Variants in DNAAF6 observed in about 807,000 individuals in gnomAD.
DNAAF6 encodes PIH1 domain containing 3.
A neutral mutation model predicts 13.7 loss-of-function variants in DNAAF6; 3 were observed. The ratio of observed to expected loss-of-function variants is 0.22; its 90% CI spans 0.10 to 0.56. DNAAF6 has a LOEUF of 0.56. Among genes scored for constraint, DNAAF6 ranks in the 20% least tolerant of loss-of-function variants. The pLI, the probability that DNAAF6 is intolerant of heterozygous loss-of-function variation, is 0.92. For synonymous variants in DNAAF6, 54 were observed against 49.2 expected (o/e 1.10, Z -0.41); for missense variants, 130 against 151.0 (o/e 0.86, Z 0.73).
intron 5 of DNAAF6, 70 bp from the exon 6 acceptor site, chrX:107,238,852 A>G: frequency 8.5e-7 from 1 of 1,171,601 alleles, no homozygotes; most frequent in Non-Finnish European, 1.1e-6. Context: ...TTTTCCCCAT[A>G]TATTCTTATA....
intron 5 of DNAAF6, among the ~76,000 whole-genome samples, chrX:107,228,260 A>G (rs1238779277): frequency 8.9e-6 from 1 of 112,191 alleles, no homozygotes; most frequent in Non-Finnish European, 1.9e-5. Context: ...TCTTTGGAAG[A>G]GAGCAGCTTC....
Position 107,212,891 on chromosome X carries a change from A to G in DNAAF6, c.16A>G (p.Met6Val). The G allele has an allele frequency of 3.4e-6, 4 of 1,191,770 alleles. No individual in the cohort carries two copies. Among genetic ancestry groups the G allele is most frequent in the South Asian group, 1.9e-5 (1 of 52,882 alleles). Residue 6 changes from methionine to valine, a missense_variant, in exon 2 of 7, where the codon ATG (methionine) becomes GTG (valine). Coordinates refer to ENST00000372453, the MANE Select transcript of DNAAF6 (RefSeq NM_173494.2). MESENMDSENMKTENM... is the reference protein window; with the variant it reads MESENVDSENMKTENM... ...TCTTCAGATAATGGAATCTGAAAAT[A>G]TGGATTCTGAAAATATGAAGACAGA...
chrX:107,225,954 T>C (rs930662760), intron 5 of DNAAF6, among the ~76,000 whole-genome samples: 1 of 112,089 alleles, frequency 8.9e-6, no homozygotes, highest in Non-Finnish European at 1.9e-5. Flanking sequence ...GTTTGTTTTG[T>C]TTTGTTTCTA....
chrX:107,222,203 G>C (rs911108915), intron 4 of DNAAF6, among the ~76,000 whole-genome samples: 7 of 111,171 alleles, frequency 6.3e-5, no homozygotes, highest in Non-Finnish European at 1.3e-4. Flanking sequence ...AGATCATTCA[G>C]TTCAAACTCA....
At position 107,238,924 on chromosome X, in the gene DNAAF6, T is replaced by C; in HGVS notation, c.432T>C (p.Ala144=). 8.3e-7 allele frequency: 1 copy of C among 1,207,250 alleles called. No homozygotes were observed. Among genetic ancestry groups the C allele is most frequent in the Non-Finnish European group, 1.1e-6 (1 of 894,224 alleles). The change falls in exon 6 of 7, where the codon GCT becomes GCC. Residue 144 remains alanine, a splice_region_variant and synonymous_variant. Coordinates refer to ENST00000372453, the MANE Select transcript of DNAAF6 (RefSeq NM_173494.2). Reference sequence around the variant, plus strand: ...TTTCTTCTCATTTTCTCTTTCAGGCTAAAATTAAATTGCCAAATACAAACC... The same window carrying C: ...TTTCTTCTCATTTTCTCTTTCAGGCCAAAATTAAATTGCCAAATACAAACC... ...SSTGCCSELV[A]KIKLPNTNPS...
At chrX:107,239,120 G>A in intron 6 of DNAAF6, 113 bp downstream of exon 6, 3 of 1,006,014 alleles carry the variant, frequency 3.0e-6, no homozygotes, top group South Asian at 7.1e-5. Context: ...CTGAAGAAAA[G>A]TGGAAAATTT....
chrX:107,222,765 A>G lies in DNAAF6; in HGVS notation c.353A>G (p.Gln118Arg), dbSNP rs946126419. 8.3e-7 allele frequency: 1 copy of G among 1,205,507 alleles called. No homozygotes were observed. The highest frequency in any genetic ancestry group is 1.1e-6 in the Non-Finnish European group (1 of 892,808). ...TTCAGGTATGAGATTATATTCAGAC[A>G]GCAGGTGGGAACTGAAGATATATTT... is the stretch of plus-strand genomic sequence containing the variant. The part of the protein sequence containing the change: ...EIPEYEIIFR[Q>R]QVGTEDIFLG... The change falls in exon 5 of 7, where the codon CAG (glutamine) becomes CGG (arginine). Residue 118 changes from glutamine (Q) to arginine (R), a missense_variant. By Grantham distance (43) the Gln-to-Arg change is conservative (BLOSUM62 1). Coordinates refer to ENST00000372453, the MANE Select transcript of DNAAF6 (RefSeq NM_173494.2).
At chrX:107,229,094 G>A (rs758879908) in intron 5 of DNAAF6, among the ~76,000 whole-genome samples, 14 of 96,749 alleles carry the variant, frequency 1.4e-4, no homozygotes, top group African/African-American at 5.7e-4. Context: ...TGAGGGTGCT[G>A]CTACTCAGCA....
chrX:107,243,463 ACT>A lies in DNAAF6; in HGVS notation c.*168_*169del. On this transcript the variant is annotated 3_prime_UTR_variant, in exon 7 of 7. Coordinates refer to ENST00000372453, the MANE Select transcript of DNAAF6 (RefSeq NM_173494.2). ...GTGACCATTTACAGTAATTTCTATT[ACT>A]CTGTTAGGAAATATGTTTCCTTGGC... The A allele has an allele frequency of 4.4e-6, 3 of 676,820 alleles. No homozygotes were observed. The highest frequency in any genetic ancestry group is 6.1e-6 in the Non-Finnish European group (3 of 488,185). 55.8% of individuals were successfully genotyped at this position (676,820 alleles called of 1,213,427 possible). A position where few individuals can be genotyped will look rare whatever the true frequency, so the allele number is the denominator to read the frequency against.
At chrX:107,237,851 C>T (rs747334089) in intron 5 of DNAAF6, among the ~76,000 whole-genome samples, 7 of 111,741 alleles carry the variant, frequency 6.3e-5, no homozygotes, top group African/African-American at 9.8e-5. Context: ...CGTGGTGGCA[C>T]GCACCTATAG....
At chrX:107,208,360 G>C (rs1343080698) in intron 1 of DNAAF6, among the ~76,000 whole-genome samples, 1 of 109,135 alleles carries the variant, frequency 9.2e-6, no homozygotes, top group Non-Finnish European at 1.9e-5. Flanking sequence ...TTGAGCCAGG[G>C]AGGTCGAGGC....
intron 5 of DNAAF6, among the ~76,000 whole-genome samples, chrX:107,237,072 A>T (rs1463671938): frequency 8.9e-6 from 1 of 112,211 alleles, no homozygotes; most frequent in East Asian, 2.8e-4. Flanking sequence ...CGTAGTATTT[A>T]GATAGTAGCA....
chrX:107,213,000 A>G lies in DNAAF6; in HGVS notation c.125A>G (p.Glu42Gly), dbSNP rs1243381694. Residue 42 changes from glutamate to glycine, a missense_variant, in exon 2 of 7, where the codon GAA (glutamate) becomes GGA (glycine). By Grantham distance (98) the Glu-to-Gly change is moderately conservative. Transcript: ENST00000372453. ...GCCCTCTCTAAGCTACTTAATCCTG[A>G]AGAAGAGGATGATTCTGACTATGGA... ...LEALSKLLNP[E>G]EEDDSDYGQT... 4 of 1,199,602 alleles carry G rather than the reference A, an allele frequency of 3.3e-6. No individual in the cohort carries two copies. The highest frequency in any genetic ancestry group is 4.5e-6 in the Non-Finnish European group (4 of 891,467).
intron 5 of DNAAF6, among the ~76,000 whole-genome samples, chrX:107,229,763 C>A (rs754686052): frequency 9.0e-6 from 1 of 111,449 alleles, no homozygotes; most frequent in Non-Finnish European, 1.9e-5. Flanking sequence ...TCTTGGCTCA[C>A]TGCAAGCTCC....
intron 3 of DNAAF6, among the ~76,000 whole-genome samples, chrX:107,217,210 T>A (rs1569372204): frequency 8.9e-6 from 1 of 111,878 alleles, no homozygotes; most frequent in Non-Finnish European, 1.9e-5. Flanking sequence ...CCACATTCCT[T>A]GCATATTTTC....
chrX:107,215,448 A>T (rs1046073454), intron 2 of DNAAF6, among the ~76,000 whole-genome samples: 3 of 110,781 alleles, frequency 2.7e-5, no homozygotes, highest in African/African-American at 6.7e-5. Flanking sequence ...ATTAGTGATT[A>T]AAAAAGAGGG....
At chrX:107,233,032 C>T (rs1313931668) in intron 5 of DNAAF6, among the ~76,000 whole-genome samples, 1 of 111,460 alleles carries the variant, frequency 9.0e-6, no homozygotes, top group African/African-American at 3.3e-5. Flanking sequence ...GTGCACACCA[C>T]ACCCACACTA....
intron 2 of DNAAF6, 36 bp downstream of exon 2, chrX:107,213,064 C>A (rs778105628): frequency 2.6e-6 from 3 of 1,144,047 alleles, no homozygotes; most frequent in South Asian, 4.3e-5. Context: ...TAGTTTTGTT[C>A]ATGGGAAGTT....
At chrX:107,209,429 T>C (rs1927798771) in intron 1 of DNAAF6, among the ~76,000 whole-genome samples, 1 of 111,665 alleles carries the variant, frequency 9.0e-6, no homozygotes, top group African/African-American at 3.3e-5. Flanking sequence ...GGATATTGCT[T>C]GGTGACTTTT....
Sources: allele counts gnomAD v4.1 joint callset (sites outside exome capture counted in the v4.1 genomes callset), GRCh38; gene constraint gnomAD v4.1.1; transcripts MANE v1.5; gene names NCBI Gene and HGNC (gene_info 2026-07-23, HGNC 2026-07-21).